The following ZNF143 variants were observed in gnomAD, a reference collection of about 807,000 sequenced individuals.
ZNF143 encodes the protein SPH-binding factor.
Under a neutral mutation model 74.1 loss-of-function variants are expected in ZNF143, and 49 were observed. The ratio of observed to expected loss-of-function variants is 0.66; its 90% confidence interval spans 0.53 to 0.84. ZNF143 has a LOEUF of 0.84. ZNF143 is among the 40% of genes least tolerant of loss of function. The pLI, the probability that ZNF143 is intolerant of heterozygous loss-of-function variation, is 0.00. For missense variants in ZNF143, 637 were observed against 793.4 expected, an observed-to-expected ratio of 0.80 and a Z score of 2.37; for synonymous variants, 304 against 282.8, an observed-to-expected ratio of 1.07 and a Z score of -0.75.
At chr11:9,511,406 C>G (rs553474913) in intron 12 of ZNF143, among the ~76,000 whole-genome samples, 2 of 152,022 alleles carry the variant, frequency 1.3e-5, no homozygotes, top group Admixed American at 6.6e-5. Flanking sequence ...ACACCATTCT[C>G]CTGCCTCAGC....
chr11:9,511,102 CTTTTTTTT>C (rs777285359), intron 12 of ZNF143, among the ~76,000 whole-genome samples: 2 of 70,788 alleles, frequency 2.8e-5, no homozygotes, highest in East Asian at 4.6e-4. Context: ...TTAACAGCTT[CTTTTTTTT>C]TTTTTTTTTT....
intron 14 of ZNF143, among the ~76,000 whole-genome samples, chr11:9,520,774 G>A (rs189948584): frequency 1.1e-4 from 17 of 152,292 alleles, no homozygotes; most frequent in African/African-American, 3.6e-4. Context: ...GAGTGACAGC[G>A]AGACTCCGTC....
In ZNF143 at chr11:9,497,774, T is replaced by G; in HGVS notation, c.941T>G (p.Leu314Arg). 6.2e-7 allele frequency: 1 copy of G among 1,603,776 alleles called. No homozygotes were observed. Among genetic ancestry groups the G allele is most frequent in the Non-Finnish European group, 8.5e-7 (1 of 1,173,842 alleles). Residue 314 changes from leucine to arginine, a missense_variant, in exon 10 of 16, where the codon CTA (leucine) becomes CGA (arginine). Coordinates refer to ENST00000396602, the MANE Select transcript of ZNF143 (RefSeq NM_003442.6). ...AAATCTTTCAAAACTTCAGGAGATC[T>G]ACAGAAACACATCAGAACTCATACA... ...CTKSFKTSGD[L>R]QKHIRTHTGE...
intron 10 of ZNF143, 39 bp from the exon 11 acceptor site, chr11:9,501,052 T>A: frequency 6.2e-7 from 1 of 1,608,756 alleles, no homozygotes; most frequent in Non-Finnish European, 8.5e-7. Context: ...CCTCTATATA[T>A]TTTTGCACCA....
chr11:9,513,423 C>G (rs1328384999), intron 13 of ZNF143, among the ~76,000 whole-genome samples: 1 of 152,190 alleles, frequency 6.6e-6, no homozygotes, highest in East Asian at 1.9e-4. Flanking sequence ...GATTATTAAC[C>G]AAGTTTTAAT....
chr11:9,484,800 A>ATGTTTTTTTTTTTTTTTT (rs1847398630), intron 7 of ZNF143, among the ~76,000 whole-genome samples: 3 of 67,002 alleles, frequency 4.5e-5, no homozygotes, highest in Non-Finnish European at 7.5e-5. Context: ...CTGGCCAAAG[A>ATGTTTTTTTTTTTTTTTT]TTTTTTTTTT....
chr11:9,477,199 T>C (rs113955842), intron 5 of ZNF143, among the ~76,000 whole-genome samples: 25 of 115,256 alleles, frequency 2.2e-4, no homozygotes, highest in African/African-American at 5.5e-4. Flanking sequence ...TTTCCCTCCT[T>C]TCCCTCCCTT....
chr11:9,510,270 G>A (rs1043888020), intron 12 of ZNF143, among the ~76,000 whole-genome samples: 3 of 151,638 alleles, frequency 2.0e-5, no homozygotes, highest in Admixed American at 6.6e-5. Context: ...GACTACAGGC[G>A]CCCGCCACCA....
chr11:9,494,365 G>A (rs959606846), intron 7 of ZNF143, among the ~76,000 whole-genome samples: 1 of 152,158 alleles, frequency 6.6e-6, no homozygotes, highest in Non-Finnish European at 1.5e-5. Context: ...GAGTGCAATG[G>A]TACAATCACA....
At chr11:9,489,118 T>C (rs1847673250) in intron 7 of ZNF143, among the ~76,000 whole-genome samples, 1 of 152,342 alleles carries the variant, frequency 6.6e-6, no homozygotes, top group Admixed American at 6.5e-5. Context: ...TTTGTAGTTT[T>C]CTTTCCAGAG....
At chr11:9,472,532 G>GT (rs1856641775) in intron 2 of ZNF143, 145 bp from the exon 3 acceptor site, 1 of 667,684 alleles carries the variant, frequency 1.5e-6, no homozygotes, top group African/African-American at 1.9e-5. Context: ...GATTACAGGC[G>GT]TGAGCCACTG....
rs1340930839 is a variant in ZNF143, at chr11:9,466,606, CT to C, written c.-7-4688del. 2.6e-5 allele frequency among the ~76,000 whole-genome samples: 4 copies of C among 151,118 alleles called. No homozygotes were observed. In the South Asian group the frequency reaches 8.4e-4, roughly 32 times the overall value. On this transcript the variant is annotated intron_variant, in intron 1 of 15. Transcript: ENST00000396602. The stretch of plus-strand genomic sequence containing the variant: ...CCACCACTCCCGGCATAATTTTTTC[CT>C]TTTTTTTATTTTCCGTAGAGACAGG...
chr11:9,486,398 TATATTATATATATA>T (rs1414262656), intron 7 of ZNF143, among the ~76,000 whole-genome samples: 13 of 26,950 alleles, frequency 4.8e-4, no homozygotes, highest in South Asian at 4.3e-3. Context: ...ATATATATAA[TATATTATATATATA>T]ATATATATTA....
chr11:9,466,951 TGGCGCGATCTC>T (rs1471612626), intron 1 of ZNF143, among the ~76,000 whole-genome samples: 2 of 151,978 alleles, frequency 1.3e-5, no homozygotes, highest in African/African-American at 2.4e-5. Flanking sequence ...TGGAGTGCAG[TGGCGCGATCTC>T]GGCTCACTGC....
chr11:9,496,498 T>C (rs986590388), intron 9 of ZNF143, 120 bp downstream of exon 9: 3 of 783,750 alleles, frequency 3.8e-6, no homozygotes, highest in African/African-American at 1.7e-5. Flanking sequence ...GATCAGTTTT[T>C]CAGTCTCTCT....
Position 9,527,521 on chromosome 11 carries a change from C to G in ZNF143, c.1834-9C>G, listed in dbSNP as rs1487235666. The stretch of plus-strand genomic sequence containing the variant: ...TTGTTAGCGTTTGATGTGTGTGTTC[C>G]TGTTTCAGCTTGGAGAACAGCCATC... On this transcript the variant is annotated splice_polypyrimidine_tract_variant and intron_variant, in intron 15 of 15. Transcript: ENST00000396602. The G allele has an allele frequency of 1.2e-6, 2 of 1,613,798 alleles. No individual in the cohort carries two copies. The highest frequency in any genetic ancestry group is 1.7e-6 in the Non-Finnish European group (2 of 1,179,798).
At chr11:9,474,758 A>G (rs969459163) in intron 5 of ZNF143, 125 bp downstream of exon 5, 9 of 1,030,168 alleles carry the variant, frequency 8.7e-6, no homozygotes, top group Middle Eastern at 2.2e-4. Context: ...TTAAAGTACA[A>G]GGTGGCAGAT....
At chr11:9,469,383 C>T (rs1454437904) in intron 1 of ZNF143, among the ~76,000 whole-genome samples, 1 of 151,294 alleles carries the variant, frequency 6.6e-6, no homozygotes, top group Non-Finnish European at 1.5e-5. Flanking sequence ...AGGCGTGCAC[C>T]ACCACTCCCA....
intron 5 of ZNF143, among the ~76,000 whole-genome samples, chr11:9,477,951 C>T (rs972310836): frequency 1.3e-5 from 2 of 152,012 alleles, no homozygotes; most frequent in African/African-American, 4.8e-5. Context: ...TCAGCCTCCC[C>T]AGTAGCTGGG....
Sources: gnomAD v4.1 joint callset for allele counts (sites outside exome capture counted in the v4.1 genomes callset) on GRCh38, gnomAD v4.1.1 for gene constraint, MANE v1.5 for transcripts, NCBI Gene and HGNC (gene_info 2026-07-23, HGNC 2026-07-21) for gene names.